TBC1D22A: variants seen among roughly 807,000 people sequenced by gnomAD.
The protein encoded by TBC1D22A is putative GTPase activator.
A neutral mutation model predicts 60.2 loss-of-function variants in TBC1D22A; 38 were observed. The observed-to-expected ratio is 0.63, with a 90% CI of 0.49 to 0.83. The LOEUF is 0.83. TBC1D22A is among the 40% of genes least tolerant of loss of function. The pLI, the probability that TBC1D22A is intolerant of heterozygous loss-of-function variation, is 0.00. For synonymous variants in TBC1D22A, 302 were observed against 281.7 expected, an observed-to-expected ratio of 1.07 and a Z score of -0.72; for missense variants, 628 against 701.0, an observed-to-expected ratio of 0.90 and a Z score of 1.18.
intron 11 of TBC1D22A, among the ~76,000 whole-genome samples, chr22:47,099,923 G>A (rs2065343413): frequency 6.6e-6 from 1 of 152,200 alleles, no homozygotes; most frequent in Admixed American, 6.5e-5. Flanking sequence ...TCCAGCCCTG[G>A]TGTTTGACAC....
intron 12 of TBC1D22A, among the ~76,000 whole-genome samples, chr22:47,118,038 A>C (rs2066132388): frequency 6.6e-6 from 1 of 152,126 alleles, no homozygotes; most frequent in Admixed American, 6.5e-5. Context: ...TAAGAGAATC[A>C]CTTGAACCTG....
intron 12 of TBC1D22A, among the ~76,000 whole-genome samples, chr22:47,154,185 C>T (rs530664896): frequency 6.6e-6 from 1 of 152,266 alleles, no homozygotes; most frequent in South Asian, 2.1e-4. Context: ...CAGACATGTC[C>T]CCGGAGCAGG....
intron 9 of TBC1D22A, among the ~76,000 whole-genome samples, chr22:46,983,311 G>A (rs1161753799): frequency 6.6e-6 from 1 of 152,220 alleles, no homozygotes; most frequent in East Asian, 1.9e-4. Context: ...ATGACCTTGA[G>A]CCTCCCATTT....
intron 7 of TBC1D22A, among the ~76,000 whole-genome samples, chr22:46,904,372 G>A (rs187756769): frequency 1.4e-4 from 22 of 152,128 alleles, no homozygotes; most frequent in South Asian, 6.2e-4. Context: ...AAAATCACGC[G>A]GCAAGATAAT....
At chr22:47,092,552 C>G (rs62225152) in intron 11 of TBC1D22A, among the ~76,000 whole-genome samples, 1 of 152,132 alleles carries the variant, frequency 6.6e-6, no homozygotes, top group Non-Finnish European at 1.5e-5. Flanking sequence ...CTGGTGTGCA[C>G]AGGGGTGAGC....
intron 8 of TBC1D22A, among the ~76,000 whole-genome samples, chr22:46,969,346 G>C (rs1439680665): frequency 6.6e-6 from 1 of 152,156 alleles, no homozygotes; most frequent in Non-Finnish European, 1.5e-5. Flanking sequence ...AGACATTCCT[G>C]TGTGTGGCAT....
In TBC1D22A at chr22:46,990,814, C is replaced by T. The variant is rs116931028; in HGVS notation, c.1126-6820C>T. On this transcript the variant is annotated intron_variant, in intron 9 of 12. Transcript: ENST00000337137. The surrounding 1 kb of genome is among the most constrained non-coding windows in gnomAD (Gnocchi z 4.6). ...CTTGCTGGCTGTCTCCCTCCCGCGC[C>T]GGCGTTCGTGACGGCTCTGCTCCTC... 5.3e-5 allele frequency among the ~76,000 whole-genome samples: 8 copies of T among 152,340 alleles called. No homozygotes were observed. In the East Asian group the frequency reaches 1.3e-3, roughly 26 times the overall value.
intron 12 of TBC1D22A, among the ~76,000 whole-genome samples, chr22:47,160,702 T>A (rs1278179283): frequency 2.0e-5 from 3 of 152,222 alleles, no homozygotes; most frequent in Non-Finnish European, 4.4e-5. Flanking sequence ...CACCTTGACC[T>A]GTTCTCTTAC....
chr22:46,896,004 T>A (rs2068656471), intron 7 of TBC1D22A, among the ~76,000 whole-genome samples: 1 of 152,216 alleles, frequency 6.6e-6, no homozygotes, highest in Non-Finnish European at 1.5e-5. Context: ...GAGTGTTCCC[T>A]CCGCACGCCG....
Position 46,825,296 on chromosome 22 carries a change from C to T in TBC1D22A, c.637+27676C>T, listed in dbSNP as rs570508020. ...CTGGGGGTCTGAACCCCGCCGTGCC[C>T]ATGCCTGTGCTGTGTTTCCTCTCTG... On this transcript the variant is annotated intron_variant, in intron 4 of 12. Transcript: ENST00000337137. Among the ~76,000 whole-genome samples, 25 of 152,254 alleles carry T rather than the reference C, an allele frequency of 1.6e-4. No homozygotes were observed. In the South Asian group the frequency reaches 5.0e-3, roughly 30 times the overall value.
intron 7 of TBC1D22A, among the ~76,000 whole-genome samples, chr22:46,899,747 C>T (rs989094580): frequency 6.6e-6 from 1 of 152,072 alleles, no homozygotes; most frequent in Non-Finnish European, 1.5e-5. Flanking sequence ...AATGCCATAC[C>T]CCCACTTTAA....
Position 46,793,511 on chromosome 22 carries a change from T to A in TBC1D22A, c.130T>A (p.Ser44Thr), listed in dbSNP as rs373533476. The A allele has an allele frequency of 2.5e-6, 4 of 1,614,054 alleles. No individual in the cohort carries two copies. Among genetic ancestry groups the A allele is most frequent in the African/African-American group, 1.3e-5 (1 of 74,936 alleles). ...GCCTTTGCATTGCAGTTTGCTCAGG[T>A]CCACGGCCAAGATGCCGACCACACC... ...DPLLHGTLLR[S>T]TAKMPTTPVK... Residue 44 changes from serine (S) to threonine (T), a missense_variant, in exon 3 of 13, where the codon TCC (serine) becomes ACC (threonine). Coordinates refer to ENST00000337137, the MANE Select transcript of TBC1D22A (RefSeq NM_014346.5).
At chr22:46,985,444 AAAG>A (rs776098185) in intron 9 of TBC1D22A, among the ~76,000 whole-genome samples, 19 of 152,336 alleles carry the variant, frequency 1.2e-4, no homozygotes, top group Non-Finnish European at 2.1e-4. Flanking sequence ...ATTAAACAGA[AAAG>A]AATGTGTTAG....
chr22:47,004,499 A>G (rs1263190929), intron 10 of TBC1D22A, among the ~76,000 whole-genome samples: 3 of 150,022 alleles, frequency 2.0e-5, no homozygotes, highest in African/African-American at 7.4e-5. Flanking sequence ...ATGCCTATAC[A>G]CACACACTAC....
intron 4 of TBC1D22A, among the ~76,000 whole-genome samples, chr22:46,829,036 C>A (rs2086192535): frequency 6.6e-6 from 1 of 152,124 alleles, no homozygotes; most frequent in Non-Finnish European, 1.5e-5. Context: ...GGATGAGAGC[C>A]CAGATGTGTC....
intron 4 of TBC1D22A, among the ~76,000 whole-genome samples, chr22:46,816,266 G>T (rs1737699319): frequency 6.6e-6 from 1 of 152,216 alleles, no homozygotes; most frequent in Non-Finnish European, 1.5e-5. Flanking sequence ...CCACACTTTG[G>T]TTTGGAGGGT....
chr22:47,055,562 G>A (rs74634861), intron 11 of TBC1D22A, among the ~76,000 whole-genome samples: 1,993 of 152,246 alleles, frequency 0.013, 48 homozygotes, highest in African/African-American at 0.045. Flanking sequence ...ACCCTATGCT[G>A]TTAGCTGGGG....
At chr22:47,085,341 T>G (rs752757362) in intron 11 of TBC1D22A, among the ~76,000 whole-genome samples, 2 of 152,278 alleles carry the variant, frequency 1.3e-5, no homozygotes, top group South Asian at 2.1e-4. Flanking sequence ...TATAAAAATA[T>G]CAGTTTTTGG....
chr22:46,805,558 C>T (rs1358647290), intron 4 of TBC1D22A, among the ~76,000 whole-genome samples: 1 of 152,152 alleles, frequency 6.6e-6, no homozygotes, highest in African/African-American at 2.4e-5. Flanking sequence ...AAGGAGCAGT[C>T]ACCAGGGCAG....
Sources: allele counts gnomAD v4.1 joint callset (sites outside exome capture counted in the v4.1 genomes callset), GRCh38; gene constraint gnomAD v4.1.1; non-coding constraint Gnocchi (gnomAD v3.1); transcripts MANE v1.5; gene names NCBI Gene and HGNC (gene_info 2026-07-23, HGNC 2026-07-21).